Variants in LUZP2 observed in about 807,000 individuals in gnomAD.
The protein encoded by LUZP2 is leucine zipper protein 2.
LUZP2 carries 52 observed loss-of-function variants against 51.6 expected under a neutral mutation model. The ratio of observed to expected loss-of-function variants is 1.01; its 90% CI spans 0.81 to 1.27. The LOEUF (loss-of-function observed/expected upper bound fraction) is 1.27. Among genes scored for constraint, LUZP2 ranks in the 50% most tolerant of loss-of-function variants. LUZP2 has a pLI of 0.00. For synonymous variants in LUZP2, 154 were observed against 137.3 expected (o/e 1.12, Z -0.85); for missense variants, 436 against 395.4 (o/e 1.10, Z -0.87).
intron 1 of LUZP2, among the ~76,000 whole-genome samples, chr11:24,583,936 T>A (rs777016450): frequency 9.2e-4 from 139 of 151,820 alleles, no homozygotes; most frequent in Non-Finnish European, 1.4e-3. Flanking sequence ...ATGGTCTCGA[T>A]CTCCTGACCT....
intron 5 of LUZP2, among the ~76,000 whole-genome samples, chr11:24,821,584 T>A (rs1850359478): frequency 6.6e-6 from 1 of 152,158 alleles, no homozygotes; most frequent in African/African-American, 2.4e-5. Context: ...TTCATGTTAG[T>A]AAACATAACT....
At chr11:24,566,019 C>T (rs967868397) in intron 1 of LUZP2, among the ~76,000 whole-genome samples, 9 of 151,280 alleles carry the variant, frequency 5.9e-5, no homozygotes, top group African/African-American at 1.7e-4. Context: ...GTAATGTAAA[C>T]GATAGAAAAT....
intron 5 of LUZP2, among the ~76,000 whole-genome samples, chr11:24,778,850 T>A (rs1324310624): frequency 5.3e-5 from 8 of 152,156 alleles, no homozygotes; most frequent in Non-Finnish European, 8.8e-5. Flanking sequence ...AGCTTCACAA[T>A]TCAAAAACTA....
intron 1 of LUZP2, among the ~76,000 whole-genome samples, chr11:24,591,965 C>A (rs1371252018): frequency 6.6e-6 from 1 of 152,124 alleles, no homozygotes; most frequent in Non-Finnish European, 1.5e-5. Flanking sequence ...TCCATCTCAG[C>A]GAAGGATGAC....
At chr11:24,830,313 C>T (rs1850661436) in intron 5 of LUZP2, among the ~76,000 whole-genome samples, 2 of 124,810 alleles carry the variant, frequency 1.6e-5, no homozygotes, top group East Asian at 2.1e-4. Context: ...ATTTCTTCCC[C>T]ATTTTTGAGC....
chr11:24,913,059 T>C (rs1211457655), intron 6 of LUZP2, among the ~76,000 whole-genome samples: 5 of 152,266 alleles, frequency 3.3e-5, no homozygotes, highest in Admixed American at 3.3e-4. Context: ...GAGATAAAAT[T>C]TAATTTTATT....
chr11:24,515,833 C>A (rs1850446819), intron 1 of LUZP2, among the ~76,000 whole-genome samples: 1 of 152,214 alleles, frequency 6.6e-6, no homozygotes, highest in Non-Finnish European at 1.5e-5. Flanking sequence ...GTGGTACAAC[C>A]TGTGCTCCAG....
intron 1 of LUZP2, among the ~76,000 whole-genome samples, chr11:24,658,364 C>T (rs1590306854): frequency 6.6e-6 from 1 of 152,146 alleles, no homozygotes; most frequent in Non-Finnish European, 1.5e-5. Context: ...GGAAAACTGG[C>T]TAGCCATATG....
intron 3 of LUZP2, among the ~76,000 whole-genome samples, chr11:24,734,689 A>T (rs1465604700): frequency 3.3e-5 from 5 of 151,930 alleles, no homozygotes; most frequent in Non-Finnish European, 7.4e-5. Flanking sequence ...TTGTGTGTAT[A>T]TTATGGTAAA....
chr11:25,016,899 T>A (rs573194115), intron 9 of LUZP2, among the ~76,000 whole-genome samples: 2 of 151,898 alleles, frequency 1.3e-5, no homozygotes, highest in South Asian at 4.2e-4. Flanking sequence ...CAGCAATGTA[T>A]AAGCATCCCC....
chr11:24,612,305 T>C (rs1854150028), intron 1 of LUZP2, among the ~76,000 whole-genome samples: 1 of 152,146 alleles, frequency 6.6e-6, no homozygotes, highest in Non-Finnish European at 1.5e-5. Flanking sequence ...AAGTTAATTT[T>C]AGTTTTGAAA....
chr11:24,684,311 G>T (rs1856833558), intron 1 of LUZP2, among the ~76,000 whole-genome samples: 1 of 152,128 alleles, frequency 6.6e-6, no homozygotes, highest in African/African-American at 2.4e-5. Flanking sequence ...GCCTCTAGAT[G>T]ATCATTTTTC....
At chr11:24,540,372 GT>G (rs1851320119) in intron 1 of LUZP2, among the ~76,000 whole-genome samples, 1 of 152,064 alleles carries the variant, frequency 6.6e-6, no homozygotes, top group Non-Finnish European at 1.5e-5. Flanking sequence ...GTTAGATAAG[GT>G]CATTAGAGGG....
chr11:24,687,289 C>A (rs1261385758), intron 1 of LUZP2, among the ~76,000 whole-genome samples: 1 of 152,004 alleles, frequency 6.6e-6, no homozygotes, highest in Non-Finnish European at 1.5e-5. Context: ...ACTAAATATA[C>A]TTTTCGGGAA....
chr11:24,818,379 C>A (rs796691492), intron 5 of LUZP2, among the ~76,000 whole-genome samples: 1 of 151,988 alleles, frequency 6.6e-6, no homozygotes, highest in Non-Finnish European at 1.5e-5. Flanking sequence ...TGTACCATAG[C>A]TAACAAATGG....
At chr11:24,859,469 G>A (rs1023681152) in intron 5 of LUZP2, among the ~76,000 whole-genome samples, 1 of 152,152 alleles carries the variant, frequency 6.6e-6, no homozygotes, top group African/African-American at 2.4e-5. Flanking sequence ...GTAAATATTT[G>A]TGATTTTTAT....
chr11:24,973,957 T>C (rs1855818106), intron 7 of LUZP2, among the ~76,000 whole-genome samples: 5 of 152,126 alleles, frequency 3.3e-5, no homozygotes. Context: ...CTCTGCTTGA[T>C]CCAGAGCTGA....
intron 10 of LUZP2, among the ~76,000 whole-genome samples, chr11:25,067,688 C>T (rs765740886): frequency 3.3e-5 from 5 of 151,306 alleles, no homozygotes; most frequent in East Asian, 2.0e-4. Flanking sequence ...AGGCTGGAGA[C>T]GATATGGAGA....
intron 1 of LUZP2, among the ~76,000 whole-genome samples, chr11:24,660,490 T>C (rs531435460): frequency 6.6e-6 from 1 of 152,312 alleles, no homozygotes; most frequent in African/African-American, 2.4e-5. Context: ...ACTTTAGTTA[T>C]AGATTAATAA....
Sources: allele counts gnomAD v4.1 joint callset (sites outside exome capture counted in the v4.1 genomes callset), GRCh38; gene constraint gnomAD v4.1.1; transcripts MANE v1.5; gene names NCBI Gene and HGNC (gene_info 2026-07-23, HGNC 2026-07-21).